KCNMB4: variants seen among roughly 807,000 people sequenced by gnomAD.
The protein encoded by KCNMB4 is calcium-activated potassium channel subunit beta-4.
KCNMB4 carries 3 observed loss-of-function variants against 20.7 expected under a neutral mutation model. That is an observed-to-expected ratio of 0.14 (90% CI 0.07 to 0.37). KCNMB4 has a LOEUF of 0.37. KCNMB4 is among the 10% of genes least tolerant of loss of function. The pLI is 1.00. For synonymous variants in KCNMB4, 110 were observed against 113.4 expected (o/e 0.97, Z 0.19); for missense variants, 168 against 265.9 (o/e 0.63, Z 2.56).
chr12:70,398,708 A>G (rs934920425), intron 1 of KCNMB4, among the ~76,000 whole-genome samples: 1 of 152,254 alleles, frequency 6.6e-6, no homozygotes, highest in Non-Finnish European at 1.5e-5. Flanking sequence ...TCATTAACGA[A>G]TTCAACCAAC....
chr12:70,413,415 G>A (rs193264169), intron 2 of KCNMB4, among the ~76,000 whole-genome samples: 2 of 152,300 alleles, frequency 1.3e-5, no homozygotes, highest in African/African-American at 4.8e-5. Context: ...CGTAGGACAA[G>A]TAGGTCATAG....
chr12:70,392,752 T>C (rs1868310726), intron 1 of KCNMB4, among the ~76,000 whole-genome samples: 1 of 152,142 alleles, frequency 6.6e-6, no homozygotes, highest in Non-Finnish European at 1.5e-5. Flanking sequence ...AAACACTGCA[T>C]GTTCTCACTC....
rs200792819 is a variant in KCNMB4 at position 70,388,968 on chromosome 12, CT to C, written c.337-11229del. On this transcript the variant is annotated intron_variant, in intron 1 of 2. Transcript: ENST00000258111. ...TAACTGGTTTTAACTATTTTTAGGG[CT>C]TTTTTTTTTTTCTGGTTTTTACCTC... Among the ~76,000 whole-genome samples the C allele has an allele frequency of 2.0e-3, 279 of 141,928 alleles. 1 individual carries two copies. Among genetic ancestry groups the C allele is most frequent in the African/African-American group, 4.2e-3 (164 of 39,052 alleles). The allele number at this position is 141,928 out of a possible 152,430, so 93.1% of individuals were successfully genotyped here.
chr12:70,399,744 A>G (rs145592133), intron 1 of KCNMB4, among the ~76,000 whole-genome samples: 1 of 152,324 alleles, frequency 6.6e-6, no homozygotes, highest in East Asian at 1.9e-4. Context: ...TACGAAAAGA[A>G]AACTTGGGTT....
chr12:70,413,071 C>G (rs1391935095), intron 2 of KCNMB4, among the ~76,000 whole-genome samples: 1 of 152,144 alleles, frequency 6.6e-6, no homozygotes, highest in East Asian at 1.9e-4. Context: ...GAGTTGAAGG[C>G]TTTCTTTGGT....
At chr12:70,412,338 G>C (rs7312167) in intron 2 of KCNMB4, among the ~76,000 whole-genome samples, 40,770 of 152,096 alleles carry the variant, frequency 0.27, 5,622 homozygotes, top group East Asian at 0.37. Flanking sequence ...ACATTAGTAA[G>C]AGTGGAGCAA....
At chr12:70,380,593 C>A (rs1299922849) in intron 1 of KCNMB4, among the ~76,000 whole-genome samples, 4 of 150,502 alleles carry the variant, frequency 2.7e-5, no homozygotes, top group African/African-American at 9.8e-5. Context: ...GTACTCAGGA[C>A]TGTGTGATAC....
chr12:70,412,426 T>C (rs11835382), intron 2 of KCNMB4, among the ~76,000 whole-genome samples: 3,920 of 152,304 alleles, frequency 0.026, 165 homozygotes, highest in African/African-American at 0.088. Context: ...TCTTGTTATG[T>C]GTGACAGACA....
chr12:70,388,249 C>A (rs1192840060), intron 1 of KCNMB4, among the ~76,000 whole-genome samples: 1 of 152,120 alleles, frequency 6.6e-6, no homozygotes, highest in African/African-American at 2.4e-5. Context: ...TAGGTCACTT[C>A]CAAATCTTAC....
At chr12:70,369,916 C>T (rs897862812) in intron 1 of KCNMB4, among the ~76,000 whole-genome samples, 1 of 152,156 alleles carries the variant, frequency 6.6e-6, no homozygotes, top group Non-Finnish European at 1.5e-5. Flanking sequence ...ATAGCAAAAT[C>T]TAAATTCGGG....
chr12:70,419,486 T>A (rs190309391), intron 2 of KCNMB4, among the ~76,000 whole-genome samples: 5 of 152,262 alleles, frequency 3.3e-5, no homozygotes, highest in African/African-American at 1.2e-4. Context: ...CAAGAAGAAC[T>A]GATTAAACCA....
intron 1 of KCNMB4, among the ~76,000 whole-genome samples, chr12:70,373,354 CAG>C (rs761888501): frequency 2.0e-5 from 3 of 152,152 alleles, no homozygotes; most frequent in Non-Finnish European, 2.9e-5. Flanking sequence ...AAGTAGAAGA[CAG>C]AGGCAGGTCA....
chr12:70,405,452 C>A (rs1168530870), intron 2 of KCNMB4, among the ~76,000 whole-genome samples: 2 of 152,170 alleles, frequency 1.3e-5, no homozygotes, highest in Non-Finnish European at 1.5e-5. Flanking sequence ...CACCTCACGC[C>A]TCTCAGAATG....
At chr12:70,380,955 T>C (rs1883774870) in intron 1 of KCNMB4, among the ~76,000 whole-genome samples, 1 of 152,154 alleles carries the variant, frequency 6.6e-6, no homozygotes, top group African/African-American at 2.4e-5. Context: ...ATCAATAAAA[T>C]GAAAAGACAA....
chr12:70,428,150 T>G (rs1869262395), intron 2 of KCNMB4, among the ~76,000 whole-genome samples: 1 of 151,966 alleles, frequency 6.6e-6, no homozygotes, highest in African/African-American at 2.4e-5. Context: ...CCCAAATAAC[T>G]AGGTCTACAG....
chr12:70,368,816 A>T (rs1883540378), intron 1 of KCNMB4, among the ~76,000 whole-genome samples: 1 of 152,172 alleles, frequency 6.6e-6, no homozygotes, highest in South Asian at 2.1e-4. Context: ...GACAAGGACA[A>T]ATTATAATTT....
At chr12:70,417,507 GGAA>G (rs1179865551) in intron 2 of KCNMB4, among the ~76,000 whole-genome samples, 4 of 152,148 alleles carry the variant, frequency 2.6e-5, no homozygotes, top group Non-Finnish European at 4.4e-5. Flanking sequence ...AGATGAAGCA[GGAA>G]GAAGAACAGT....
At chr12:70,397,368 G>A (rs754618208) in intron 1 of KCNMB4, among the ~76,000 whole-genome samples, 10 of 152,174 alleles carry the variant, frequency 6.6e-5, no homozygotes, top group Non-Finnish European at 1.2e-4. Flanking sequence ...ATTCTTTCCA[G>A]GCAATGTTAG....
intron 1 of KCNMB4, among the ~76,000 whole-genome samples, chr12:70,373,597 G>A (rs1330523881): frequency 1.3e-5 from 2 of 152,166 alleles, no homozygotes; most frequent in African/African-American, 2.4e-5. Flanking sequence ...ATAAATTTGT[G>A]CCATTTTAAG....
Sources: gnomAD v4.1 joint callset for allele counts (sites outside exome capture counted in the v4.1 genomes callset) on GRCh38, gnomAD v4.1.1 for gene constraint, MANE v1.5 for transcripts, NCBI Gene and HGNC (gene_info 2026-07-23, HGNC 2026-07-21) for gene names.